Variants in OVCH1 observed in about 807,000 individuals in gnomAD.
OVCH1 encodes the protein ovochymase-1.
OVCH1 carries 139 observed loss-of-function variants against 138.4 expected under a neutral mutation model. The observed-to-expected ratio is 1.00, with a 90% CI of 0.87 to 1.16. OVCH1 has a LOEUF of 1.16. Among genes scored for constraint, OVCH1 ranks in the 50% most tolerant of loss-of-function variants. OVCH1 has a pLI of 0.00. For synonymous variants in OVCH1, 453 were observed against 467.8 expected (o/e 0.97, Z 0.41); for missense variants, 1,367 against 1,357.9 (o/e 1.01, Z -0.11).
intron 13 of OVCH1, 82 bp downstream of exon 13, chr12:29,476,124 T>C: frequency 1.8e-6 from 2 of 1,094,318 alleles, no homozygotes; most frequent in Non-Finnish European, 2.8e-6. Flanking sequence ...CTCTACGTTC[T>C]GGTACCCAAG....
intron 3 of OVCH1, 146 bp from the exon 4 acceptor site, chr12:29,495,603 C>A: frequency 2.9e-6 from 2 of 699,564 alleles, no homozygotes; most frequent in African/African-American, 1.9e-5. Flanking sequence ...TGAGTATTAC[C>A]AATGGTCATA....
intron 25 of OVCH1, among the ~76,000 whole-genome samples, chr12:29,441,987 G>T (rs1222953902): frequency 6.6e-6 from 1 of 151,942 alleles, no homozygotes; most frequent in East Asian, 1.9e-4. Flanking sequence ...TGCTGGAGAG[G>T]ATGTGGAGAA....
intron 18 of OVCH1, among the ~76,000 whole-genome samples, chr12:29,464,181 C>G (rs1942235334): frequency 6.6e-6 from 1 of 152,178 alleles, no homozygotes. Context: ...ATGCCAATGG[C>G]TGCTTTATGC....
intron 18 of OVCH1, 119 bp downstream of exon 18, chr12:29,464,388 T>A: frequency 3.6e-6 from 4 of 1,120,536 alleles, no homozygotes; most frequent in Non-Finnish European, 5.2e-6. Context: ...AAATAAAACA[T>A]GGTTTCTATC....
exon 28 of OVCH1, chr12:29,427,636 C>T (rs1941200518): frequency 1.3e-6 from 2 of 1,551,014 alleles, no homozygotes; most frequent in African/African-American, 1.4e-5. Context: ...CTGGACTTCT[C>T]AGCCTCCATA....
chr12:29,415,523 T>A (rs958552375), intron 3 of OVCH1, among the ~76,000 whole-genome samples: 1 of 152,076 alleles, frequency 6.6e-6, no homozygotes, highest in Non-Finnish European at 1.5e-5. Flanking sequence ...GTCAATCACA[T>A]TTCATGTTGA....
chr12:29,478,570 C>T (rs1004978581), intron 9 of OVCH1, among the ~76,000 whole-genome samples: 2 of 152,152 alleles, frequency 1.3e-5, no homozygotes, highest in Non-Finnish European at 2.9e-5. Context: ...TCACTGTCTC[C>T]ACTCTTACTC....
intron 27 of OVCH1, chr12:29,431,005 C>T (rs370781120): frequency 2.3e-6 from 1 of 440,330 alleles, no homozygotes; most frequent in Non-Finnish European, 4.5e-6. Context: ...AATTTTTCCT[C>T]TCATGGAATA....
intron 8 of OVCH1, among the ~76,000 whole-genome samples, chr12:29,480,973 G>A (rs763442011): frequency 6.6e-6 from 1 of 151,994 alleles, no homozygotes; most frequent in Admixed American, 6.6e-5. Context: ...GGAATCTTAC[G>A]ATTTCTGTAG....
chr12:29,411,965 C>T (rs1233144338), downstream of OVCH1, among the ~76,000 whole-genome samples: 27 of 117,442 alleles, frequency 2.3e-4, no homozygotes, highest in Non-Finnish European at 4.3e-4. Flanking sequence ...CCACCCAGTT[C>T]AAGCTTCCCC....
the OVCH1 span, among the ~76,000 whole-genome samples, chr12:29,403,076 AATTTAAGT>A: frequency 6.6e-6 from 1 of 152,194 alleles, no homozygotes; most frequent in Admixed American, 6.5e-5. Context: ...AAGGATTCCT[AATTTAAGT>A]ATATAAGCTT....
At chr12:29,488,620 C>CAAAAAAAAAAAAAAAAAAAAAAAAAAA (rs67595567) in intron 6 of OVCH1, among the ~76,000 whole-genome samples, 56 of 61,730 alleles carry the variant, frequency 9.1e-4, no homozygotes, top group Non-Finnish European at 1.2e-3. Context: ...GACTCCATCT[C>CAAAAAAAAAAAAAAAAAAAAAAAAAAA]AAAAAAAAAA....
At chr12:29,476,129 C>T in intron 13 of OVCH1, 77 bp downstream of exon 13, 1 of 1,159,078 alleles carries the variant, frequency 8.6e-7, no homozygotes, top group Non-Finnish European at 1.3e-6. Context: ...CGTTCTGGTA[C>T]CCAAGGAAGC....
intron 20 of OVCH1, 105 bp downstream of exon 20, chr12:29,455,144 A>G: frequency 7.4e-7 from 1 of 1,353,834 alleles, no homozygotes; most frequent in Non-Finnish European, 1.0e-6. Context: ...ATGAAATTCT[A>G]CTCTATGGTT....
At chr12:29,455,014 A>C in intron 20 of OVCH1, 81 bp from the exon 21 acceptor site, 1 of 1,275,542 alleles carries the variant, frequency 7.8e-7, no homozygotes, top group African/African-American at 1.5e-5. Context: ...AGCCACTATC[A>C]AAAGAAACAA....
At chr12:29,420,428 G>A (rs1480673535) in intron 3 of OVCH1, among the ~76,000 whole-genome samples, 1 of 149,896 alleles carries the variant, frequency 6.7e-6, no homozygotes. Flanking sequence ...GATGAGGAAA[G>A]AGAGGGCAGC....
At chr12:29,417,597 G>C (rs1350523969) in intron 3 of OVCH1, among the ~76,000 whole-genome samples, 1 of 152,008 alleles carries the variant, frequency 6.6e-6, no homozygotes, top group African/African-American at 2.4e-5. Flanking sequence ...TATATTGGGT[G>C]CCTGTACTAT....
At chr12:29,411,676 A>T (rs991842415), downstream of OVCH1, among the ~76,000 whole-genome samples, 1 of 152,080 alleles carries the variant, frequency 6.6e-6, no homozygotes, top group African/African-American at 2.4e-5. Flanking sequence ...TTTGTCTCAG[A>T]GGAGTACCCG....
chr12:29,439,243 TA>T (rs754713060), intron 26 of OVCH1: 2 of 1,248,948 alleles, frequency 1.6e-6, no homozygotes, highest in East Asian at 2.9e-5. Context: ...CCTTTTCCTT[TA>T]TTTTGTCACT....
Sources: gnomAD v4.1 joint callset for allele counts (sites outside exome capture counted in the v4.1 genomes callset) on GRCh38, gnomAD v4.1.1 for gene constraint, MANE v1.5 for transcripts, NCBI Gene and HGNC (gene_info 2026-07-23, HGNC 2026-07-21) for gene names.